GABRG2: variants seen among roughly 807,000 people sequenced by gnomAD.
The protein encoded by GABRG2 is gamma-aminobutyric acid type A receptor subunit gamma2, also known as gamma-aminobutyric acid receptor subunit gamma-2.
A neutral mutation model predicts 56.4 loss-of-function variants in GABRG2; 16 were observed. The ratio of observed to expected loss-of-function variants is 0.28; its 90% CI spans 0.19 to 0.43. GABRG2 has a LOEUF of 0.43. GABRG2 is among the 20% of genes least tolerant of loss of function. The pLI is 1.00. For missense variants in GABRG2, 327 were observed against 582.7 expected (o/e 0.56, Z 4.52); for synonymous variants, 208 against 205.5 (o/e 1.01, Z -0.10).
intron 7 of GABRG2, among the ~76,000 whole-genome samples, chr5:162,144,996 C>T (rs895414375): frequency 2.6e-5 from 4 of 152,164 alleles, no homozygotes; most frequent in Non-Finnish European, 4.4e-5. Flanking sequence ...GTGATTCAAA[C>T]GTGCAGTCGC....
At chr5:162,135,083 G>C (rs902439261) in intron 6 of GABRG2, among the ~76,000 whole-genome samples, 1 of 152,188 alleles carries the variant, frequency 6.6e-6, no homozygotes, top group Non-Finnish European at 1.5e-5. Flanking sequence ...TTGGCACACT[G>C]TGGTGCTTGT....
At chr5:162,133,694 G>T (rs561598900) in intron 6 of GABRG2, among the ~76,000 whole-genome samples, 2 of 152,180 alleles carry the variant, frequency 1.3e-5, no homozygotes, top group African/African-American at 2.4e-5. Context: ...TCCACATTGG[G>T]CTAGGCATCT....
Position 162,111,161 on chromosome 5 carries a change from A to G in GABRG2, c.769+7135A>G, listed in dbSNP as rs572857936. On this transcript the variant is annotated intron_variant, in intron 6 of 9. Transcript: ENST00000639213. ...GTTTTTCCTTGATCAAGTTTTCAATAAAATTTCAAAACAAATACAAAAACA... is the reference window on the plus strand; with the variant it reads ...GTTTTTCCTTGATCAAGTTTTCAATGAAATTTCAAAACAAATACAAAAACA... Among the ~76,000 whole-genome samples, 258 of 152,294 alleles carry G rather than the reference A, an allele frequency of 1.7e-3. 1 individual carries two copies. Among genetic ancestry groups the G allele is most frequent in the African/African-American group, 5.7e-3 (237 of 41,586 alleles).
rs935602469 is a variant in GABRG2 at position 162,093,737 on chromosome 5, G to A, written c.108-91G>A. On this transcript the variant is annotated intron_variant, in intron 1 of 9. Transcript: ENST00000639213. The stretch of plus-strand genomic sequence containing the variant: ...TCAGTTTAAACATTTCTTTTATCCT[G>A]TTTTATTTCTTCTTTTCCACTGGTG... 5 of 1,229,148 alleles carry A rather than the reference G, an allele frequency of 4.1e-6. No individual in the cohort carries two copies. In the African/African-American group the frequency reaches 7.4e-5, roughly 18 times the overall value. 76.1% of individuals were successfully genotyped at this position (1,229,148 alleles called of 1,614,324 possible). A position where few individuals can be genotyped will look rare whatever the true frequency, so the allele number is the denominator to read the frequency against.
At chr5:162,153,033 C>G (rs1225632914) in intron 9 of GABRG2, 60 bp from the exon 10 acceptor site, 1 of 1,601,680 alleles carries the variant, frequency 6.2e-7, no homozygotes, top group African/African-American at 1.3e-5. Context: ...TGTGGAAAAA[C>G]AGCCTAGGAT....
Position 162,101,251 on chromosome 5 carries a change from G to A in GABRG2, c.565G>A (p.Glu189Lys). The change falls in exon 5 of 10, where the codon GAG becomes AAG. Residue 189 changes from glutamate to lysine, a missense_variant. Transcript: ENST00000639213. ...LYTLRLTIDA[E>K]CQLQLHNFPM... ...TCTACTTAGGTTGACAATTGATGCT[G>A]AGTGCCAATTACAATTGCACAACTT... is the stretch of plus-strand genomic sequence containing the variant. The A allele has an allele frequency of 6.2e-7, 1 of 1,608,450 alleles. No individual in the cohort carries two copies. The highest frequency in any genetic ancestry group is 8.5e-7 in the Non-Finnish European group (1 of 1,175,238).
intron 6 of GABRG2, among the ~76,000 whole-genome samples, chr5:162,107,692 C>G (rs1041520731): frequency 1.3e-5 from 2 of 152,126 alleles, no homozygotes; most frequent in Admixed American, 1.3e-4. Context: ...TCCATGATTT[C>G]TTCTTCAAAC....
intron 6 of GABRG2, among the ~76,000 whole-genome samples, chr5:162,113,768 CTG>C (rs1416276835): frequency 1.3e-5 from 2 of 152,214 alleles, no homozygotes; most frequent in African/African-American, 4.8e-5. Context: ...AATTCACAAA[CTG>C]TGTAACGGTT....
At chr5:162,131,203 A>C (rs367852627) in intron 6 of GABRG2, among the ~76,000 whole-genome samples, 188 of 152,152 alleles carry the variant, frequency 1.2e-3, no homozygotes, top group African/African-American at 4.0e-3. Flanking sequence ...AGTCCAGCTG[A>C]ATATGTGTAC....
intron 5 of GABRG2, chr5:162,102,686 A>G (rs1761521325): frequency 2.3e-6 from 1 of 433,898 alleles, no homozygotes; most frequent in African/African-American, 2.0e-5. Context: ...ACGCACCACC[A>G]TACCCAGCTA....
chr5:162,105,796 T>C (rs73314632), intron 6 of GABRG2, among the ~76,000 whole-genome samples: 2,415 of 127,680 alleles, frequency 0.019, 65 homozygotes, highest in African/African-American at 0.07. Context: ...AAGTCTTCCA[T>C]TGGCGAAAGA....
chr5:162,136,474 GGGT>G (rs796902762), intron 6 of GABRG2, among the ~76,000 whole-genome samples: 2 of 151,786 alleles, frequency 1.3e-5, no homozygotes, highest in Admixed American at 6.6e-5. Context: ...TATGTGTGTG[GGGT>G]GGTGGTGGTG....
intron 5 of GABRG2, 149 bp from the exon 6 acceptor site, chr5:162,103,740 C>A: frequency 1.3e-6 from 1 of 796,210 alleles, no homozygotes. Flanking sequence ...AATTTATGTT[C>A]TCATTGCAAT....
intron 6 of GABRG2, among the ~76,000 whole-genome samples, chr5:162,126,172 AG>A (rs1298233324): frequency 6.6e-6 from 1 of 151,926 alleles, no homozygotes; most frequent in East Asian, 1.9e-4. Flanking sequence ...TCAAGAAATG[AG>A]GGGGTAATGA....
intron 1 of GABRG2, among the ~76,000 whole-genome samples, chr5:162,092,841 A>C (rs1394165133): frequency 6.6e-6 from 1 of 152,164 alleles, no homozygotes; most frequent in African/African-American, 2.4e-5. Flanking sequence ...ATTTTACTCT[A>C]AACTACAAAA....
rs186628424 is a variant in GABRG2, at chr5:162,151,872, T to A, written c.1152+119T>A. ...CATTTAAGCATTCTACTAGAGATAATATGTTGGAGAAAGTTCTACAGACTT... is the reference window on the plus strand; with the variant it reads ...CATTTAAGCATTCTACTAGAGATAAAATGTTGGAGAAAGTTCTACAGACTT... On this transcript the variant is annotated intron_variant, in intron 9 of 9. Transcript: ENST00000639213. 5.6e-6 allele frequency: 5 copies of A among 885,894 alleles called. No individual in the cohort carries two copies. The African/African-American group carries it at 8.4e-5, about 15-fold the overall frequency. 54.9% of individuals were successfully genotyped at this position (885,894 alleles called of 1,614,324 possible).
intron 1 of GABRG2, among the ~76,000 whole-genome samples, chr5:162,077,845 A>G (rs1369194300): frequency 6.6e-6 from 1 of 152,130 alleles, no homozygotes; most frequent in Non-Finnish European, 1.5e-5. Flanking sequence ...GGCTATTAAA[A>G]GGAAGTTCCC....
At chr5:162,096,291 A>C (rs1193493966) in intron 3 of GABRG2, among the ~76,000 whole-genome samples, 1 of 152,066 alleles carries the variant, frequency 6.6e-6, no homozygotes, top group African/African-American at 2.4e-5. Flanking sequence ...CATAATTCTC[A>C]GAATATTTAG....
At chr5:162,077,107 GTGTGA>G (rs1436840647) in intron 1 of GABRG2, among the ~76,000 whole-genome samples, 44 of 133,768 alleles carry the variant, frequency 3.3e-4, no homozygotes, top group African/African-American at 1.0e-3. Context: ...GTGTGTGTGT[GTGTGA>G]TGTTTCTATC....
Sources: allele counts gnomAD v4.1 joint callset (sites outside exome capture counted in the v4.1 genomes callset), GRCh38; gene constraint gnomAD v4.1.1; transcripts MANE v1.5; gene names NCBI Gene and HGNC (gene_info 2026-07-23, HGNC 2026-07-21).